TENM3: variants seen among roughly 807,000 people sequenced by gnomAD.
TENM3 encodes the protein teneurin transmembrane protein 3.
Under a neutral mutation model 255.1 loss-of-function variants are expected in TENM3, and 63 were observed. The observed-to-expected ratio is 0.25, with a 90% CI of 0.20 to 0.30. The LOEUF is 0.30. TENM3 is among the 10% of genes least tolerant of loss of function. The pLI is 1.00. For synonymous variants in TENM3, 1,306 were observed against 1,322.3 expected, an observed-to-expected ratio of 0.99 and a Z score of 0.27; for missense variants, 2,929 against 3,461.1, an observed-to-expected ratio of 0.85 and a Z score of 3.86.
At chr4:182,401,875 A>G (rs1395593286) in intron 3 of TENM3, among the ~76,000 whole-genome samples, 1 of 152,198 alleles carries the variant, frequency 6.6e-6, no homozygotes, top group Non-Finnish European at 1.5e-5. Context: ...AAACTTAATA[A>G]GGAATTGGTC....
At chr4:182,605,917 T>C (rs1211710996) in intron 4 of TENM3, among the ~76,000 whole-genome samples, 6 of 152,212 alleles carry the variant, frequency 3.9e-5, no homozygotes. Flanking sequence ...GAGGGACGTG[T>C]GATTACCACA....
chr4:182,052,498 G>A, the TENM3 span, among the ~76,000 whole-genome samples: 5 of 152,074 alleles, frequency 3.3e-5, no homozygotes, highest in South Asian at 2.1e-4. Context: ...TTGAAGCCTC[G>A]CCACCAATAG....
At chr4:181,544,200 G>T in the TENM3 span, among the ~76,000 whole-genome samples, 3,893 of 151,632 alleles carry the variant, frequency 0.026, 106 homozygotes, top group East Asian at 0.079. Flanking sequence ...TCATATCAAG[G>T]TAAAAATGAT....
rs17073618 is a variant in TENM3 at position 182,601,033 on chromosome 4, C to T, written c.621C>T (p.Ser207=). 1,328 of 1,613,538 alleles carry T rather than the reference C, an allele frequency of 8.2e-4. 6 individuals carry two copies. In the African/African-American group the frequency reaches 0.016, roughly 19 times the overall value. Residue 207 remains serine (S), a synonymous_variant, in exon 4 of 28, where the codon TCC becomes TCT. Transcript: ENST00000511685. ...HPSITSLNRN[S]LTNRRNQSPA... ...CCATCACTTCTCTCAACAGAAACTC[C>T]CTGACCAATAGAAGGAACCAGAGTC...
In TENM3 at chr4:182,799,013, G is replaced by A. The variant is rs1308231003; in HGVS notation, c.7345-583G>A. Among the ~76,000 whole-genome samples, 3 of 152,160 alleles carry A rather than the reference G, an allele frequency of 2.0e-5. No individual in the cohort carries two copies. Among genetic ancestry groups the A allele is most frequent in the South Asian group, 4.1e-4 (2 of 4,830 alleles). The stretch of plus-strand genomic sequence containing the variant: ...TTGTTTTCCTAAAGTAACAAATATC[G>A]TCTCCAGCTGCCCCACCTTCCACTC... On this transcript the variant is annotated intron_variant, in intron 27 of 27. Transcript: ENST00000511685. This position sits in a 1 kb window ranked among gnomAD's most constrained non-coding sequence, Gnocchi z 4.2.
the TENM3 span, among the ~76,000 whole-genome samples, chr4:181,538,841 C>A: frequency 6.6e-6 from 1 of 152,150 alleles, no homozygotes; most frequent in Non-Finnish European, 1.5e-5. Flanking sequence ...ATAATTACTT[C>A]TTTCTTTGTT....
chr4:182,737,729 T>A (rs72995201), intron 17 of TENM3, among the ~76,000 whole-genome samples: 3 of 152,202 alleles, frequency 2.0e-5, no homozygotes, highest in African/African-American at 7.2e-5. Flanking sequence ...AATTAGTATT[T>A]ACCTTAAAAT....
chr4:181,786,281 C>T, the TENM3 span, among the ~76,000 whole-genome samples: 1 of 152,208 alleles, frequency 6.6e-6, no homozygotes, highest in South Asian at 2.1e-4. Context: ...CTCCTTCACC[C>T]TCTGAAGGTT....
At chr4:182,534,447 T>C (rs573275698) in intron 3 of TENM3, among the ~76,000 whole-genome samples, 22 of 152,282 alleles carry the variant, frequency 1.4e-4, no homozygotes, top group Admixed American at 7.2e-4. Context: ...GCTGAGTAAG[T>C]AGAGAGACAT....
the TENM3 span, among the ~76,000 whole-genome samples, chr4:182,094,715 A>T: frequency 6.6e-6 from 1 of 152,240 alleles, no homozygotes; most frequent in African/African-American, 2.4e-5. Context: ...TCGAAAAAGA[A>T]CAAAACAGAA....
chr4:182,520,029 T>A (rs566299960), intron 3 of TENM3, among the ~76,000 whole-genome samples: 1 of 152,276 alleles, frequency 6.6e-6, no homozygotes, highest in African/African-American at 2.4e-5. Flanking sequence ...ATAGTTAATG[T>A]TGGCTGTTAA....
chr4:181,994,553 G>GTT, the TENM3 span, among the ~76,000 whole-genome samples: 1 of 82,904 alleles, frequency 1.2e-5, no homozygotes, highest in African/African-American at 4.3e-5. Flanking sequence ...GTTTTTTGTG[G>GTT]GTTTTTTTTT....
intron 3 of TENM3, among the ~76,000 whole-genome samples, chr4:182,551,388 C>G (rs1741995903): frequency 6.6e-6 from 1 of 151,860 alleles, no homozygotes; most frequent in Non-Finnish European, 1.5e-5. Context: ...AAACAGTTTT[C>G]AAAGAAATAT....
At chr4:181,812,671 C>G in the TENM3 span, among the ~76,000 whole-genome samples, 1 of 152,144 alleles carries the variant, frequency 6.6e-6, no homozygotes, top group South Asian at 2.1e-4. Context: ...ATTTTTGGCT[C>G]GGAGGACAGC....
the TENM3 span, among the ~76,000 whole-genome samples, chr4:181,569,532 T>C: frequency 6.6e-6 from 1 of 152,184 alleles, no homozygotes; most frequent in Non-Finnish European, 1.5e-5. Flanking sequence ...TTCCCCTTTT[T>C]GCACTGGATT....
the TENM3 span, among the ~76,000 whole-genome samples, chr4:181,739,571 G>T: frequency 6.6e-6 from 1 of 152,064 alleles, no homozygotes; most frequent in Non-Finnish European, 1.5e-5. Flanking sequence ...AATGATTGAC[G>T]TCCAAGGATA....
chr4:182,462,849 C>T (rs9637665), intron 3 of TENM3, among the ~76,000 whole-genome samples: 41,208 of 151,382 alleles, frequency 0.27, 6,862 homozygotes, highest in East Asian at 0.48. Flanking sequence ...ACCGCACCAC[C>T]GCACTCCAGC....
chr4:182,069,711 ACAC>A, the TENM3 span, among the ~76,000 whole-genome samples: 1 of 151,092 alleles, frequency 6.6e-6, no homozygotes, highest in Admixed American at 6.6e-5. Flanking sequence ...ACACACACAC[ACAC>A]AAATACACTC....
the TENM3 span, among the ~76,000 whole-genome samples, chr4:181,538,277 A>G: frequency 6.6e-6 from 1 of 152,220 alleles, no homozygotes; most frequent in African/African-American, 2.4e-5. Context: ...TGTAGCAAGC[A>G]TGGCCAGAAT....
Sources: allele counts gnomAD v4.1 joint callset (sites outside exome capture counted in the v4.1 genomes callset), GRCh38; gene constraint gnomAD v4.1.1; non-coding constraint Gnocchi (gnomAD v3.1); transcripts MANE v1.5; gene names NCBI Gene and HGNC (gene_info 2026-07-23, HGNC 2026-07-21).